Variants in TUSC3 observed in about 807,000 individuals in gnomAD.
TUSC3 encodes the protein tumor suppressor candidate 3.
TUSC3 carries 45 observed loss-of-function variants against 44.8 expected under a neutral mutation model. The observed-to-expected ratio is 1.00, with a 90% CI of 0.79 to 1.29. The LOEUF is 1.29. Among genes scored for constraint, TUSC3 ranks in the 50% most tolerant of loss-of-function variants. The probability of loss-of-function intolerance (pLI) is 0.00; values close to 1 mark genes in which losing one functional copy is unlikely to be tolerated. For synonymous variants in TUSC3, 212 were observed against 152.9 expected (o/e 1.39, Z -2.85); for missense variants, 519 against 437.9 (o/e 1.19, Z -1.65).
chr8:15,662,105 G>A, intron 4 of TUSC3, 51 bp from the exon 5 acceptor site: 1 of 1,594,082 alleles, frequency 6.3e-7, no homozygotes, highest in Non-Finnish European at 8.6e-7. Context: ...ATGATCAAAA[G>A]AAAAATTTTA....
At chr8:15,428,225 T>C (rs1799830101) in intron 1 of TUSC3, among the ~76,000 whole-genome samples, 1 of 148,760 alleles carries the variant, frequency 6.7e-6, no homozygotes, top group Non-Finnish European at 1.5e-5. Context: ...TGGTGTTTGG[T>C]TTTTTGTCCT....
the TUSC3 span, chr8:15,806,288 T>C: frequency 1.8e-5 from 12 of 660,522 alleles, no homozygotes; most frequent in East Asian, 3.1e-5. Flanking sequence ...CATTGGCTAA[T>C]GTGTACACCA....
At position 15,588,390 on chromosome 8, in the gene TUSC3, C is replaced by T. The variant is rs116260866; in HGVS notation, c.139-34690C>T. ...GAAATGTCTATTCAGATCTTTTGCT[C>T]ATTTTAGTACTAGATTATTTGTTTA... On this transcript the variant is annotated intron_variant, in intron 1 of 10. Coordinates refer to ENST00000503731, the MANE Select transcript of TUSC3 (RefSeq NM_006765.4). Among the ~76,000 whole-genome samples, 528 of 152,140 alleles carry T rather than the reference C, an allele frequency of 3.5e-3. 2 individuals carry two copies. Among genetic ancestry groups the T allele is most frequent in the African/African-American group, 0.012 (505 of 41,516 alleles).
chr8:15,836,341 G>A, the TUSC3 span, among the ~76,000 whole-genome samples: 6 of 151,092 alleles, frequency 4.0e-5, no homozygotes, highest in Middle Eastern at 3.4e-3. Context: ...AAAAAATTGC[G>A]CTGGCGGGTG....
chr8:15,769,501 T>C (rs1288178787), downstream of TUSC3, among the ~76,000 whole-genome samples: 4 of 152,104 alleles, frequency 2.6e-5, no homozygotes, highest in African/African-American at 9.7e-5. Context: ...GGCAATACCA[T>C]TCAGGACACA....
chr8:15,693,785 C>T lies in TUSC3; in HGVS notation c.798+19949C>T, dbSNP rs563439892. ...CTCCCTTACAGGGACACCAGTGAGT[C>T]GTAGATTTGGTTCCCTTTACATAGT... On this transcript the variant is annotated intron_variant, in intron 6 of 10. Coordinates refer to ENST00000503731, the MANE Select transcript of TUSC3 (RefSeq NM_006765.4). Among the ~76,000 whole-genome samples, 75 of 152,102 alleles carry T rather than the reference C, an allele frequency of 4.9e-4. No homozygotes were observed. In the Middle Eastern group the frequency reaches 0.01, roughly 21 times the overall value.
At position 15,655,931 on chromosome 8, in the gene TUSC3, A is replaced by T. The variant is rs1242095845; in HGVS notation, c.427-3576A>T. 2.0e-5 allele frequency among the ~76,000 whole-genome samples: 3 copies of T among 152,168 alleles called. No homozygotes were observed. In the East Asian group the frequency reaches 5.8e-4, roughly 29 times the overall value. ...AATAATTAAAAGTTGTGGTAAAGGA[A>T]TGAAGAGAAAGGAAAGAAACGATGA... is the stretch of plus-strand genomic sequence containing the variant. On this transcript the variant is annotated intron_variant, in intron 3 of 10. Coordinates refer to ENST00000503731, the MANE Select transcript of TUSC3 (RefSeq NM_006765.4).
At chr8:15,472,179 A>C (rs1800502578) in intron 1 of TUSC3, among the ~76,000 whole-genome samples, 1 of 152,226 alleles carries the variant, frequency 6.6e-6, no homozygotes, top group Non-Finnish European at 1.5e-5. Context: ...AAATATATAG[A>C]GAAAGTAAAA....
rs550070810 is a variant in TUSC3 at position 15,569,309 on chromosome 8, G to C, written c.138+28741G>C. Among the ~76,000 whole-genome samples the C allele has an allele frequency of 7.8e-4, 119 of 152,102 alleles. 3 individuals carry two copies. Among genetic ancestry groups the C allele is most frequent in the Non-Finnish European group, 1.2e-3 (84 of 67,992 alleles). ...ATATAGTTTTTCTTGCTACTTGCTG[G>C]AAAATACATGGGCAGTTTATTTTCA... On this transcript the variant is annotated intron_variant, in intron 1 of 10. Transcript: ENST00000503731.
At chr8:15,841,193 A>G in the TUSC3 span, among the ~76,000 whole-genome samples, 2 of 152,122 alleles carry the variant, frequency 1.3e-5, no homozygotes, top group African/African-American at 4.8e-5. Flanking sequence ...ACACACACAC[A>G]TATATACATC....
the TUSC3 span, among the ~76,000 whole-genome samples, chr8:15,804,943 T>G: frequency 6.6e-6 from 1 of 152,188 alleles, no homozygotes; most frequent in Non-Finnish European, 1.5e-5. Context: ...TTAACAATAT[T>G]GATTCTTCCA....
the TUSC3 span, among the ~76,000 whole-genome samples, chr8:15,801,813 C>T: frequency 8.5e-5 from 13 of 152,074 alleles, 1 homozygote; most frequent in South Asian, 6.2e-4. Context: ...CTCTTGTAGC[C>T]GGGTATAAAT....
chr8:15,570,632 A>G (rs543388863), intron 1 of TUSC3, among the ~76,000 whole-genome samples: 3 of 152,224 alleles, frequency 2.0e-5, no homozygotes, highest in African/African-American at 7.2e-5. Context: ...TAACTATTTT[A>G]CATGTATTAT....
intron 6 of TUSC3, among the ~76,000 whole-genome samples, chr8:15,678,220 A>C (rs1808272407): frequency 6.6e-6 from 1 of 152,268 alleles, no homozygotes; most frequent in Non-Finnish European, 1.5e-5. Context: ...CTCTTGGCAA[A>C]GTTATTACTT....
At chr8:15,541,610 A>G (rs373827332) in intron 1 of TUSC3, among the ~76,000 whole-genome samples, 12 of 152,232 alleles carry the variant, frequency 7.9e-5, no homozygotes, top group African/African-American at 2.9e-4. Flanking sequence ...TGTGTGTTCA[A>G]TTTTAACTAA....
At chr8:15,586,801 A>G (rs191334230) in intron 1 of TUSC3, among the ~76,000 whole-genome samples, 2 of 152,280 alleles carry the variant, frequency 1.3e-5, no homozygotes, top group Admixed American at 1.3e-4. Context: ...TTAAGGGATA[A>G]CAGCATTAGT....
intron 1 of TUSC3, among the ~76,000 whole-genome samples, chr8:15,593,188 C>G (rs1025849113): frequency 1.3e-5 from 2 of 152,076 alleles, no homozygotes; most frequent in African/African-American, 2.4e-5. Context: ...TGGGTTCAAG[C>G]GATTCTTCTG....
At position 15,581,621 on chromosome 8, in the gene TUSC3, A is replaced by C. The variant is rs552635299; in HGVS notation, c.138+41053A>C. ...CCCTGCTGCGGGGTGCCTCCCAGTT[A>C]GGCTGCTTGGGGGTCAGGGGTCAGG... On this transcript the variant is annotated intron_variant, in intron 1 of 10. Coordinates refer to ENST00000503731, the MANE Select transcript of TUSC3 (RefSeq NM_006765.4). Among the ~76,000 whole-genome samples the C allele has an allele frequency of 1.5e-3, 223 of 149,630 alleles. 1 individual carries two copies. Among genetic ancestry groups the C allele is most frequent in the African/African-American group, 1.8e-3 (73 of 39,942 alleles).
intron 1 of TUSC3, among the ~76,000 whole-genome samples, chr8:15,439,141 C>T (rs1488746347): frequency 1.3e-5 from 2 of 152,146 alleles, no homozygotes; most frequent in Non-Finnish European, 2.9e-5. Flanking sequence ...AAGGGCTGAC[C>T]TTCACCCATT....
Sources: allele counts gnomAD v4.1 joint callset (sites outside exome capture counted in the v4.1 genomes callset), GRCh38; gene constraint gnomAD v4.1.1; transcripts MANE v1.5; gene names NCBI Gene and HGNC (gene_info 2026-07-23, HGNC 2026-07-21).